The following RCC2 variants were observed in gnomAD, a reference collection of about 807,000 sequenced individuals.
The protein encoded by RCC2 is protein RCC2.
A neutral mutation model predicts 64.1 loss-of-function variants in RCC2; 19 were observed. The observed-to-expected ratio is 0.30, with a 90% confidence interval of 0.21 to 0.44. The LOEUF (loss-of-function observed/expected upper bound fraction) is 0.44. RCC2 is among the 20% of genes least tolerant of loss of function. The probability of loss-of-function intolerance (pLI) is 1.00; values close to 1 mark genes in which losing one functional copy is unlikely to be tolerated. For missense variants in RCC2, 508 were observed against 710.4 expected, an observed-to-expected ratio of 0.72 and a Z score of 3.24; for synonymous variants, 325 against 279.6, an observed-to-expected ratio of 1.16 and a Z score of -1.62.
At chr1:17,435,673 T>C (rs1024081187) in intron 2 of RCC2, among the ~76,000 whole-genome samples, 7 of 152,162 alleles carry the variant, frequency 4.6e-5, no homozygotes, top group South Asian at 2.1e-4. Flanking sequence ...GTGGGGCACT[T>C]TGGGAGGCCA....
At chr1:17,421,499 CAA>C (rs535318541) in intron 6 of RCC2, among the ~76,000 whole-genome samples, 5 of 141,458 alleles carry the variant, frequency 3.5e-5, no homozygotes, top group Admixed American at 7.1e-5. Flanking sequence ...GTCTCCCCTC[CAA>C]AAAAAAAAGA....
intron 3 of RCC2, among the ~76,000 whole-genome samples, chr1:17,427,629 G>A (rs578088216): frequency 1.3e-5 from 2 of 152,280 alleles, no homozygotes; most frequent in South Asian, 2.1e-4. Context: ...CAACACAGGA[G>A]GCCACGGGAC....
At chr1:17,428,293 C>T (rs1271019596) in intron 3 of RCC2, among the ~76,000 whole-genome samples, 3 of 152,254 alleles carry the variant, frequency 2.0e-5, no homozygotes, top group Non-Finnish European at 4.4e-5. Flanking sequence ...GGACGTGGCC[C>T]CCTCTGGCTT....
chr1:17,419,947 C>A (rs1031243197), intron 7 of RCC2, among the ~76,000 whole-genome samples: 3 of 152,226 alleles, frequency 2.0e-5, no homozygotes, highest in Admixed American at 6.5e-5. Flanking sequence ...TTCCCCGAGG[C>A]TAAGGCCAGC....
intron 6 of RCC2, among the ~76,000 whole-genome samples, chr1:17,421,880 C>G (rs1395276056): frequency 6.6e-6 from 1 of 152,032 alleles, no homozygotes; most frequent in African/African-American, 2.4e-5. Flanking sequence ...ACAAAATTAG[C>G]CAGGTGTGGT....
chr1:17,430,540 C>A (rs1341899281), intron 2 of RCC2, among the ~76,000 whole-genome samples: 2 of 151,702 alleles, frequency 1.3e-5, no homozygotes, highest in Non-Finnish European at 1.5e-5. Context: ...GTAATCCCAG[C>A]ACTTTGGGAG....
In RCC2 at chr1:17,437,889, CG is replaced by C. The variant is rs535883916; in HGVS notation, c.285+340del. Among the ~76,000 whole-genome samples the C allele has an allele frequency of 2.6e-3, 348 of 135,190 alleles. 1 individual carries two copies. Among genetic ancestry groups the C allele is most frequent in the Middle Eastern group, 0.011 (3 of 270 alleles). 88.7% of individuals were successfully genotyped at this position (135,190 alleles called of 152,430 possible). A position where few individuals can be genotyped will look rare whatever the true frequency, so the allele number is the denominator to read the frequency against. On this transcript the variant is annotated intron_variant, in intron 2 of 12. Transcript: ENST00000375436. Reference sequence around the variant, plus strand: ...CTTACCGAGGTCCCCTTTCCCGGGGCGGGGGGGGAGGGGCGCAGAGGGAGCT... The same window carrying C: ...CTTACCGAGGTCCCCTTTCCCGGGGCGGGGGGGAGGGGCGCAGAGGGAGCT...
intron 1 of RCC2, 53 bp from the exon 2 acceptor site, chr1:17,438,575 G>T: frequency 7.8e-7 from 1 of 1,275,156 alleles, no homozygotes; most frequent in Non-Finnish European, 9.9e-7. Flanking sequence ...TAAACTGCGC[G>T]GGGGGAGGGG....
At chr1:17,414,566 C>A (rs200376016) in intron 8 of RCC2, among the ~76,000 whole-genome samples, 194 of 145,968 alleles carry the variant, frequency 1.3e-3, no homozygotes, top group African/African-American at 4.6e-3. Context: ...AAAAAAAACA[C>A]AACAAAAAAA....
chr1:17,438,215 C>G lies in RCC2; in HGVS notation c.285+15G>C. The G allele has an allele frequency of 7.8e-7, 1 of 1,275,200 alleles. No individual in the cohort carries two copies. The highest frequency in any genetic ancestry group is 1.0e-6 in the Non-Finnish European group (1 of 993,964). The allele number at this position is 1,275,200 out of a possible 1,614,324, so 79.0% of individuals were successfully genotyped here. ...CCGGCCCTGCGCCCACCCGTCTACC[C>G]TGACCCTCACTCACGACGCGCTCCT... On this transcript the variant is annotated intron_variant, in intron 2 of 12. Transcript: ENST00000375436.
chr1:17,412,328 A>G, intron 10 of RCC2, 134 bp from the exon 11 acceptor site: 1 of 703,386 alleles, frequency 1.4e-6, no homozygotes, highest in Non-Finnish European at 2.4e-6. Flanking sequence ...ACACAATAAC[A>G]GGGCCAACAG....
Position 17,433,500 on chromosome 1 carries a change from C to A in RCC2, c.286-4301G>T, listed in dbSNP as rs563271009. On this transcript the variant is annotated intron_variant, in intron 2 of 12. Transcript: ENST00000375436. ...CCCTCCCAGGCGGAATCCAGCCTTC[C>A]CTGATGGGCCTACGGATTGTTTTTT... Among the ~76,000 whole-genome samples the A allele has an allele frequency of 7.8e-4, 119 of 152,346 alleles. 1 individual carries two copies. The highest frequency in any genetic ancestry group is 2.7e-3 in the African/African-American group (114 of 41,584).
At chr1:17,436,951 G>C (rs763536419) in intron 2 of RCC2, among the ~76,000 whole-genome samples, 1 of 152,100 alleles carries the variant, frequency 6.6e-6, no homozygotes, top group Admixed American at 6.5e-5. Flanking sequence ...CCAAGACCCC[G>C]GGCAAGACCT....
At chr1:17,426,742 G>T (rs919442922) in intron 3 of RCC2, among the ~76,000 whole-genome samples, 5 of 149,804 alleles carry the variant, frequency 3.3e-5, no homozygotes, top group African/African-American at 1.2e-4. Flanking sequence ...ATGGGGCAGG[G>T]CCAATTTCTT....
intron 3 of RCC2, among the ~76,000 whole-genome samples, chr1:17,428,510 T>C (rs2075642805): frequency 6.6e-6 from 1 of 152,232 alleles, no homozygotes; most frequent in African/African-American, 2.4e-5. Flanking sequence ...TCTTTCCAGA[T>C]GAAATCAAGA....
At chr1:17,439,252 CG>C (rs550695896) in intron 1 of RCC2, among the ~76,000 whole-genome samples, 2 of 151,498 alleles carry the variant, frequency 1.3e-5, no homozygotes, top group African/African-American at 2.4e-5. Context: ...CCGTGCGGCC[CG>C]GCCGGTCTCC....
chr1:17,416,578 G>A lies in RCC2; in HGVS notation c.928C>T (p.Arg310Trp), dbSNP rs372979455. Residue 310 changes from arginine (R) to tryptophan (W), a missense_variant, in exon 8 of 13, where the codon CGG becomes TGG. Arg to Trp is a moderately radical substitution (Grantham distance 101, BLOSUM62 -3). Around this residue, in one of 4 missense-constraint regions of RCC2, gnomAD observed 179 missense variants for 322.0 expected, o/e 0.56. Transcript: ENST00000375436. The part of the protein sequence containing the change: ...RIEYDCELVP[R>W]RVAIFIEKTK... ...TTCTCAATGAAGATGGCCACTCGCC[G>A]GGGAACTAGTTCACAGTCGTACTCT... 6 of 1,614,040 alleles carry A rather than the reference G, an allele frequency of 3.7e-6. No homozygotes were observed. Among genetic ancestry groups the A allele is most frequent in the Admixed American group, 1.7e-5 (1 of 60,016 alleles).
Position 17,438,215 on chromosome 1 carries a change from C to A in RCC2, c.285+15G>T. 7.8e-7 allele frequency: 1 copy of A among 1,275,198 alleles called. No individual in the cohort carries two copies. The highest frequency in any genetic ancestry group is 1.9e-5 in the South Asian group (1 of 51,874). The allele number at this position is 1,275,198 out of a possible 1,614,324, so 79.0% of individuals were successfully genotyped here. A position where few individuals can be genotyped will look rare whatever the true frequency, so the allele number is the denominator to read the frequency against. On this transcript the variant is annotated intron_variant, in intron 2 of 12. Coordinates refer to ENST00000375436, the MANE Select transcript of RCC2 (RefSeq NM_018715.4). ...CCGGCCCTGCGCCCACCCGTCTACC[C>A]TGACCCTCACTCACGACGCGCTCCT...
In RCC2 at chr1:17,408,821, T is replaced by G; in HGVS notation, c.*269A>C. 2.5e-6 allele frequency: 1 copy of G among 408,028 alleles called. No homozygotes were observed. The highest frequency in any genetic ancestry group is 4.3e-6 in the Non-Finnish European group (1 of 229,904). The allele number at this position is 408,028 out of a possible 1,614,324, so 25.3% of individuals were successfully genotyped here. ...AAAAAAAACCTAGATTGCTCAAAGT[T>G]TCTGCCTCTTTTGTAGGAATGGTAA... On this transcript the variant is annotated 3_prime_UTR_variant, in exon 13 of 13. Transcript: ENST00000375436.
Sources: gnomAD v4.1 joint callset for allele counts (sites outside exome capture counted in the v4.1 genomes callset) on GRCh38, gnomAD v4.1.1 for gene constraint, gnomAD v4.1.1 regional missense constraint, MANE v1.5 for transcripts, NCBI Gene and HGNC (gene_info 2026-07-23, HGNC 2026-07-21) for gene names.